Variants in N4BP3 observed in about 807,000 individuals in gnomAD.
N4BP3 encodes the protein NEDD4 binding protein 3, also known as NEDD4-binding protein 3.
In N4BP3, 33 loss-of-function variants were observed where a neutral mutation model predicts 43.8. That is an observed-to-expected ratio of 0.75 (90% CI 0.57 to 1.01). The LOEUF is 1.01. N4BP3 is among the 50% of genes least tolerant of loss of function. The pLI, the probability that N4BP3 is intolerant of heterozygous loss-of-function variation, is 0.00. For missense variants in N4BP3, 756 were observed against 744.2 expected, an observed-to-expected ratio of 1.02 and a Z score of -0.18; for synonymous variants, 326 against 321.9, an observed-to-expected ratio of 1.01 and a Z score of -0.14.
Position 178,121,221 on chromosome 5 carries a change from G to T in N4BP3, c.976G>T (p.Ala326Ser). 1 of 1,603,334 alleles carries T rather than the reference G, an allele frequency of 6.2e-7. No individual in the cohort carries two copies. The highest frequency in any genetic ancestry group is 8.5e-7 in the Non-Finnish European group (1 of 1,176,596). ...ERNLQLQLFM[A>S]QQEQRRLRKE... ...CAACCTCCAGCTGCAGCTGTTTATG[G>T]CTCAGCAGGAGCAGCGGCGCCTGCG... Residue 326 changes from alanine to serine, a missense_variant, in exon 4 of 5, where the codon GCT becomes TCT. By Grantham distance (99) the Ala-to-Ser change is moderately conservative. Transcript: ENST00000274605.
At position 178,125,796 on chromosome 5, in the gene N4BP3, C is replaced by T. The variant is rs377274559; in HGVS notation, c.*3795C>T. ...ACAATGAAGATACAGTTCTGTCACC[C>T]CCCCAGCATTCTCCTGTGGCCCTCT... On this transcript the variant is annotated 3_prime_UTR_variant, in exon 5 of 5. Coordinates refer to ENST00000274605, the MANE Select transcript of N4BP3 (RefSeq NM_015111.2). The T allele has an allele frequency of 2.6e-5, 4 of 152,024 alleles. No individual in the cohort carries two copies. The highest frequency in any genetic ancestry group is 4.2e-4 in the South Asian group (2 of 4,814). 9.4% of individuals were successfully genotyped at this position (152,024 alleles called of 1,614,324 possible).
In N4BP3 at chr5:178,123,389, G is replaced by C. The variant is rs72817256; in HGVS notation, c.*1388G>C. 0.039 allele frequency: 5,888 copies of C among 152,454 alleles called. 137 individuals carry two copies. The highest frequency in any genetic ancestry group is 0.058 in the Non-Finnish European group (3,930 of 68,108). The allele number at this position is 152,454 out of a possible 1,614,324, so 9.4% of individuals were successfully genotyped here. On this transcript the variant is annotated 3_prime_UTR_variant, in exon 5 of 5. Transcript: ENST00000274605. ...ATTAGATGAGCTCCTGCCGCAGGGGGCCCTGCACACTGATGTCAGCTCACC... is the reference window on the plus strand; with the variant it reads ...ATTAGATGAGCTCCTGCCGCAGGGGCCCCTGCACACTGATGTCAGCTCACC...
At chr5:178,120,768 C>A in intron 3 of N4BP3, 69 bp downstream of exon 3, 1 of 1,464,302 alleles carries the variant, frequency 6.8e-7, no homozygotes, top group South Asian at 1.4e-5. Flanking sequence ...GAGAGAGGGG[C>A]CCCAGCCAGT....
rs377627701 is a variant in N4BP3, at chr5:178,120,252, G to A, written c.405G>A (p.Ala135=). The change falls in exon 3 of 5, where the codon GCG becomes GCA. Residue 135 remains alanine (A), a synonymous_variant. Coordinates refer to ENST00000274605, the MANE Select transcript of N4BP3 (RefSeq NM_015111.2). The part of the protein sequence containing the change: ...GKGFLSMQSL[A]SHKGQKLWRS... ...GCTTCCTATCCATGCAAAGTCTGGCGTCCCACAAAGGCCAGAAGCTGTGGC... is the reference window on the plus strand; with the variant it reads ...GCTTCCTATCCATGCAAAGTCTGGCATCCCACAAAGGCCAGAAGCTGTGGC... 63 of 1,607,848 alleles carry A rather than the reference G, an allele frequency of 3.9e-5. No individual in the cohort carries two copies. Among genetic ancestry groups the A allele is most frequent in the East Asian group, 3.4e-4 (15 of 44,688 alleles).
At chr5:178,116,589 C>T (rs557243980) in intron 1 of N4BP3, among the ~76,000 whole-genome samples, 4 of 152,316 alleles carry the variant, frequency 2.6e-5, no homozygotes, top group South Asian at 2.1e-4. Context: ...TGCTGCTGGA[C>T]GTGACCGTCT....
At position 178,122,010 on chromosome 5, in the gene N4BP3, G is replaced by C; in HGVS notation, c.*9G>C. 6.3e-7 allele frequency: 1 copy of C among 1,575,718 alleles called. No individual in the cohort carries two copies. On this transcript the variant is annotated 3_prime_UTR_variant, in exon 5 of 5. Transcript: ENST00000274605. ...AGTCCTCCAAGATCTGAGGCCAGCA[G>C]AGCGAGCTGACAGCAGCAACACTGT...
intron 1 of N4BP3, among the ~76,000 whole-genome samples, chr5:178,117,156 C>T (rs1757790732): frequency 6.6e-6 from 1 of 152,074 alleles, no homozygotes; most frequent in Non-Finnish European, 1.5e-5. Context: ...TGGCAAAAGG[C>T]GGAGCATTTG....
chr5:178,119,869 G>A lies in N4BP3; in HGVS notation c.286G>A (p.Asp96Asn). Residue 96 changes from aspartate (D) to asparagine (N), a missense_variant, in exon 2 of 5, where the codon GAC becomes AAC. By Grantham distance (23) the Asp-to-Asn change is conservative. Coordinates refer to ENST00000274605, the MANE Select transcript of N4BP3 (RefSeq NM_015111.2). ...LYYREHSRAG[D>N]FSKTSLPERG... is the part of the protein sequence containing the mutation. Reference sequence around the variant, plus strand: ...CTACCGGGAACATTCTCGCGCGGGTGACTTCAGCAAGACCTCGCTGCCAGA... The same window carrying A: ...CTACCGGGAACATTCTCGCGCGGGTAACTTCAGCAAGACCTCGCTGCCAGA... The A allele has an allele frequency of 6.2e-7, 1 of 1,612,200 alleles. No homozygotes were observed.
chr5:178,120,775 C>A, intron 3 of N4BP3, 76 bp downstream of exon 3: 1 of 1,455,234 alleles, frequency 6.9e-7, no homozygotes, highest in Non-Finnish European at 9.0e-7. Flanking sequence ...GGGCCCCAGC[C>A]AGTTCACCCA....
Position 178,121,854 on chromosome 5 carries a change from G to GA in N4BP3, c.1490dup (p.Glu498GlyfsTer177). The GA allele has an allele frequency of 6.2e-7, 1 of 1,608,052 alleles. No individual in the cohort carries two copies. ...AGGAGCGGCGGACTTGGCAGGAGGA[G>GA]AAGGAGCGCGTGCTGCGCTACCAGC... On this transcript the variant is annotated frameshift_variant, in exon 5 of 5. Coordinates refer to ENST00000274605, the MANE Select transcript of N4BP3 (RefSeq NM_015111.2). LOFTEE classifies it high-confidence loss of function.
rs1757888599 is a variant in N4BP3 at position 178,120,403 on chromosome 5, C to A, written c.556C>A (p.Pro186Thr). The change falls in exon 3 of 5, where the codon CCC becomes ACC. Residue 186 changes from proline (P) to threonine (T), a missense_variant. Physicochemically the swap from Pro to Thr is conservative, Grantham distance 38. Transcript: ENST00000274605. ...AGATGAGGGCGGCCCTGAGCCCGAG[C>A]CCAGCCTGTCCGACTCCTCCAGTGG... ...SLDEGGPEPE[P>T]SLSDSSSGGS... The A allele has an allele frequency of 1.2e-6, 2 of 1,612,806 alleles. No individual in the cohort carries two copies. The highest frequency in any genetic ancestry group is 2.2e-5 in the South Asian group (2 of 91,094).
rs1314090190 is a variant in N4BP3 at position 178,125,091 on chromosome 5, C to T, written c.*3090C>T. ...GTGGGGTGGATGGGGAAGACTTACT[C>T]TGAATGTTCGTTCACCATCCGTGGG... On this transcript the variant is annotated 3_prime_UTR_variant, in exon 5 of 5. Coordinates refer to ENST00000274605, the MANE Select transcript of N4BP3 (RefSeq NM_015111.2). 1 of 152,312 alleles carries T rather than the reference C, an allele frequency of 6.6e-6. No individual in the cohort carries two copies. Among genetic ancestry groups the T allele is most frequent in the Non-Finnish European group, 1.5e-5 (1 of 68,136 alleles). The allele number at this position is 152,312 out of a possible 1,614,324, so 9.4% of individuals were successfully genotyped here.
intron 1 of N4BP3, among the ~76,000 whole-genome samples, chr5:178,114,563 C>A (rs995033500): frequency 5.3e-5 from 8 of 152,364 alleles, no homozygotes; most frequent in African/African-American, 1.9e-4. Context: ...GGGCCACCCC[C>A]CGACCCCAAC....
intron 1 of N4BP3, among the ~76,000 whole-genome samples, chr5:178,116,547 G>A (rs1324174247): frequency 2.0e-5 from 3 of 152,158 alleles, no homozygotes; most frequent in Admixed American, 2.0e-4. Flanking sequence ...GTGTCCTGTG[G>A]GTGACCTTGT....
Position 178,120,541 on chromosome 5 carries a change from G to C in N4BP3, c.694G>C (p.Ala232Pro), listed in dbSNP as rs753221471. Residue 232 changes from alanine (A) to proline (P), a missense_variant, in exon 3 of 5, where the codon GCT becomes CCT. Transcript: ENST00000274605. ...LDRASQGPKE[A>P]GPPAVLSCLP... ...CCGGGCCTCTCAAGGACCCAAGGAG[G>C]CTGGGCCACCAGCTGTGCTGAGCTG... 1.9e-6 allele frequency: 3 copies of C among 1,613,070 alleles called. No individual in the cohort carries two copies. Among genetic ancestry groups the C allele is most frequent in the Non-Finnish European group, 2.5e-6 (3 of 1,180,016 alleles).
At position 178,113,675 on chromosome 5, in the gene N4BP3, C is replaced by G. The variant is rs1323322677; in HGVS notation, c.-127C>G. On this transcript the variant is annotated 5_prime_UTR_variant, in exon 1 of 5. Transcript: ENST00000274605. The stretch of plus-strand genomic sequence containing the variant: ...TCCGACCCGGCACGCAGTCCCGGCC[C>G]GAGCCGACGCCTTGCAGGAGGGTTC... 6.6e-6 allele frequency: 1 copy of G among 151,948 alleles called. No homozygotes were observed. The highest frequency in any genetic ancestry group is 1.5e-5 in the Non-Finnish European group (1 of 67,934). 9.4% of individuals were successfully genotyped at this position (151,948 alleles called of 1,614,324 possible).
intron 1 of N4BP3, among the ~76,000 whole-genome samples, chr5:178,115,019 G>T (rs1055819902): frequency 5.9e-5 from 9 of 152,202 alleles, no homozygotes; most frequent in African/African-American, 2.2e-4. Context: ...CTTGCCCAGG[G>T]AGTTGAGATT....
Position 178,119,874 on chromosome 5 carries a change from C to G in N4BP3, c.291C>G (p.Phe97Leu). The G allele has an allele frequency of 6.2e-7, 1 of 1,611,924 alleles. No homozygotes were observed. Among genetic ancestry groups the G allele is most frequent in the Non-Finnish European group, 8.5e-7 (1 of 1,179,836 alleles). ...YYREHSRAGD[F>L]SKTSLPERGR... The stretch of plus-strand genomic sequence containing the variant: ...GGGAACATTCTCGCGCGGGTGACTT[C>G]AGCAAGACCTCGCTGCCAGAACGGG... The change falls in exon 2 of 5, where the codon TTC becomes TTG. Residue 97 changes from phenylalanine (F) to leucine (L), a missense_variant. Coordinates refer to ENST00000274605, the MANE Select transcript of N4BP3 (RefSeq NM_015111.2).
At position 178,123,162 on chromosome 5, in the gene N4BP3, G is replaced by A. The variant is rs1024300424; in HGVS notation, c.*1161G>A. On this transcript the variant is annotated 3_prime_UTR_variant, in exon 5 of 5. Coordinates refer to ENST00000274605, the MANE Select transcript of N4BP3 (RefSeq NM_015111.2). ...CTTTGGTCTCTCAGAGGCCTGGCTT[G>A]CCCTCTGGGCCTTTGCTCCCCCGCT... is the stretch of plus-strand genomic sequence containing the variant. 1.2e-4 allele frequency: 18 copies of A among 152,506 alleles called. No individual in the cohort carries two copies. The highest frequency in any genetic ancestry group is 9.1e-4 in the Admixed American group (14 of 15,308). The allele number at this position is 152,506 out of a possible 1,614,324, so 9.4% of individuals were successfully genotyped here. A position where few individuals can be genotyped will look rare whatever the true frequency, so the allele number is the denominator to read the frequency against.
Sources: gnomAD v4.1 joint callset for allele counts (sites outside exome capture counted in the v4.1 genomes callset) on GRCh38, gnomAD v4.1.1 for gene constraint, MANE v1.5 for transcripts, NCBI Gene and HGNC (gene_info 2026-07-23, HGNC 2026-07-21) for gene names.